The following COQ2 variants were observed in gnomAD, a reference collection of about 807,000 sequenced individuals.
The protein encoded by COQ2 is coenzyme Q2, polyprenyltransferase.
Under a neutral mutation model 35.7 loss-of-function variants are expected in COQ2, and 25 were observed. The observed-to-expected ratio is 0.70, with a 90% CI of 0.51 to 0.98. The LOEUF is 0.98. Among genes scored for constraint, COQ2 ranks in the 50% least tolerant of loss-of-function variants. The pLI is 0.00. For missense variants in COQ2, 488 were observed against 473.5 expected (o/e 1.03, Z -0.28); for synonymous variants, 206 against 186.2 (o/e 1.11, Z -0.86).
In COQ2 at chr4:83,276,061, TATATATTTTATATATA is replaced by T. The variant is rs1560494771; in HGVS notation, c.421-2460_421-2445del. Among the ~76,000 whole-genome samples the T allele has an allele frequency of 6.5e-4, 9 of 13,830 alleles. No individual in the cohort carries two copies. In the East Asian group the frequency reaches 0.12, roughly 177 times the overall value. 9.1% of individuals were successfully genotyped at this position (13,830 alleles called of 152,430 possible). ...TATATAAAATATATATTATATATAA[TATATATTTTATATATA>T]ATATATATATACATATTCATATATA... On this transcript the variant is annotated intron_variant, in intron 2 of 6. Transcript: ENST00000647002.
rs535454566 is a variant in COQ2 at position 83,282,574 on chromosome 4, ATACACAATCTGTAAG to A, written c.253+1923_253+1937del. 3.0e-4 allele frequency: 281 copies of A among 937,994 alleles called. No individual in the cohort carries two copies. The Middle Eastern group carries it at 3.3e-3, about 11-fold the overall frequency. The allele number at this position is 937,994 out of a possible 1,614,324, so 58.1% of individuals were successfully genotyped here. A position where few individuals can be genotyped will look rare whatever the true frequency, so the allele number is the denominator to read the frequency against. ...CCATGCAGGCTGGTATCTTCCAAAC[ATACACAATCTGTAAG>A]TACAATTTTCTCCATTCCCCACTTC... On this transcript the variant is annotated intron_variant, in intron 1 of 6. Transcript: ENST00000647002.
At chr4:83,283,954 G>C in intron 1 of COQ2, 1 of 985,422 alleles carries the variant, frequency 1.0e-6, no homozygotes, top group Non-Finnish European at 1.2e-6. Context: ...TTAAATCTTT[G>C]CCTTATGGGT....
chr4:83,273,716 A>G (rs1274749872), intron 2 of COQ2, 99 bp from the exon 3 acceptor site: 2 of 1,129,330 alleles, frequency 1.8e-6, no homozygotes, highest in Non-Finnish European at 2.6e-6. Flanking sequence ...CACAAATATG[A>G]ATGAAGAGAG....
chr4:83,278,570 C>T (rs1039143226), intron 2 of COQ2, among the ~76,000 whole-genome samples: 11 of 152,166 alleles, frequency 7.2e-5, no homozygotes, highest in East Asian at 1.9e-4. Context: ...ACTTGATTTA[C>T]GTAAGAATAG....
In COQ2 at chr4:83,284,728, G is replaced by A. The variant is rs768519367; in HGVS notation, c.37C>T (p.Leu13=). The A allele has an allele frequency of 7.9e-6, 12 of 1,518,632 alleles. No homozygotes were observed. In the South Asian group the frequency reaches 1.3e-4, roughly 17 times the overall value. The allele number at this position is 1,518,632 out of a possible 1,614,324, so 94.1% of individuals were successfully genotyped here. Residue 13 remains leucine (L), a synonymous_variant, in exon 1 of 7, where the codon CTG becomes TTG. Transcript: ENST00000647002. ...GSRAAGFARG[L]RAVALAWLPG... is the part of the protein sequence containing the mutation. Reference sequence around the variant, plus strand: ...AGCCACGCCAGTGCCACAGCCCGCAGGCCCCGCGCGAACCCCGCGGCTCGC... The same window carrying A: ...AGCCACGCCAGTGCCACAGCCCGCAAGCCCCGCGCGAACCCCGCGGCTCGC...
chr4:83,274,212 G>T (rs374646547), intron 2 of COQ2, among the ~76,000 whole-genome samples: 2 of 152,132 alleles, frequency 1.3e-5, no homozygotes, highest in South Asian at 2.1e-4. Context: ...GCTATAACAT[G>T]TTCAATTTCC....
intron 2 of COQ2, among the ~76,000 whole-genome samples, chr4:83,276,744 T>C (rs1423169840): frequency 6.6e-6 from 1 of 152,200 alleles, no homozygotes; most frequent in Non-Finnish European, 1.5e-5. Flanking sequence ...CCTGCACTCA[T>C]ACATTTATCA....
chr4:83,275,016 T>C (rs1001329864), intron 2 of COQ2, among the ~76,000 whole-genome samples: 1 of 152,256 alleles, frequency 6.6e-6, no homozygotes, highest in Non-Finnish European at 1.5e-5. Context: ...TTCTCCTTTA[T>C]ATTTTCTATT....
intron 4 of COQ2, among the ~76,000 whole-genome samples, chr4:83,271,676 G>C (rs1455268558): frequency 6.6e-6 from 1 of 152,100 alleles, no homozygotes; most frequent in Non-Finnish European, 1.5e-5. Context: ...AGCCAGGCAG[G>C]GTTGTCAATG....
At chr4:83,279,662 A>C (rs1044936696) in intron 1 of COQ2, among the ~76,000 whole-genome samples, 1 of 152,104 alleles carries the variant, frequency 6.6e-6, no homozygotes, top group African/African-American at 2.4e-5. Context: ...TGTCAGGAAG[A>C]ACACACTAGA....
intron 1 of COQ2, chr4:83,283,500 C>T (rs1735377595): frequency 1.0e-6 from 1 of 985,340 alleles, no homozygotes; most frequent in Non-Finnish European, 1.2e-6. Flanking sequence ...CCCTCCTCTG[C>T]AAAATCAACT....
intron 1 of COQ2, chr4:83,283,822 C>T (rs1161026650): frequency 1.0e-6 from 1 of 985,208 alleles, no homozygotes; most frequent in Non-Finnish European, 1.2e-6. Context: ...GCGGATAAAG[C>T]GATAGAAAGT....
intron 2 of COQ2, among the ~76,000 whole-genome samples, chr4:83,277,198 GA>G (rs1238338350): frequency 2.0e-5 from 3 of 150,704 alleles, no homozygotes; most frequent in African/African-American, 7.3e-5. Context: ...CATTTTTAAA[GA>G]AAAAAAAAGG....
At chr4:83,285,045 T>C (rs148904428), upstream of COQ2, 637 of 657,478 alleles carry the variant, frequency 9.7e-4, 3 homozygotes, top group African/African-American at 0.011. Flanking sequence ...GGTTCCATTA[T>C]CGGGCAACAC....
At position 83,267,730 on chromosome 4, in the gene COQ2, C is replaced by T. The variant is rs1433824421; in HGVS notation, c.807G>A (p.Leu269=). The stretch of plus-strand genomic sequence containing the variant: ...ACGGCTTGGTATTTTCTCCGAACCG[C>T]AGAGCCGTTGACTTAAGACCAATCA... ...DVLIGLKSTA[L]RFGENTKPWL... The change falls in exon 6 of 7, where the codon CTG becomes CTA. Residue 269 remains leucine (L), a synonymous_variant. Transcript: ENST00000647002. 1.3e-6 allele frequency: 2 copies of T among 1,552,206 alleles called. No individual in the cohort carries two copies. The highest frequency in any genetic ancestry group is 2.4e-5 in the East Asian group (1 of 40,936).
chr4:83,276,095 C>CAT (rs1735176105), intron 2 of COQ2, among the ~76,000 whole-genome samples: 2 of 130,826 alleles, frequency 1.5e-5, no homozygotes, highest in Admixed American at 1.5e-4. Context: ...TATACATATT[C>CAT]ATATATATAC....
At chr4:83,282,886 C>A (rs1300071933) in intron 1 of COQ2, among the ~76,000 whole-genome samples, 1 of 152,142 alleles carries the variant, frequency 6.6e-6, no homozygotes, top group Non-Finnish European at 1.5e-5. Flanking sequence ...GCGGAAGGTC[C>A]AGCCACTAAG....
intron 2 of COQ2, among the ~76,000 whole-genome samples, chr4:83,275,522 A>T (rs1032370561): frequency 6.6e-6 from 1 of 152,156 alleles, no homozygotes; most frequent in African/African-American, 2.4e-5. Context: ...AGAAAAACAA[A>T]ATCTAGGAAA....
chr4:83,279,077 A>C lies in COQ2; in HGVS notation c.291T>G (p.Ile97Met). Residue 97 changes from isoleucine to methionine, a missense_variant, in exon 2 of 7, where the codon ATT (isoleucine) becomes ATG (methionine). Coordinates refer to ENST00000647002, the MANE Select transcript of COQ2 (RefSeq NM_001358921.2). ...AACAACCTGGTTCAGCTGCCAAACC[A>C]ATGCTCCAGGTACATGGTAAATACA... ...WLLYLPCTWS[I>M]GLAAEPGCFP... The C allele has an allele frequency of 6.3e-7, 1 of 1,593,040 alleles. No homozygotes were observed. Among genetic ancestry groups the C allele is most frequent in the African/African-American group, 1.3e-5 (1 of 74,574 alleles).
Sources: allele counts gnomAD v4.1 joint callset (sites outside exome capture counted in the v4.1 genomes callset), GRCh38; gene constraint gnomAD v4.1.1; transcripts MANE v1.5; gene names NCBI Gene and HGNC (gene_info 2026-07-23, HGNC 2026-07-21).